The following DLG1 variants were observed in gnomAD, a reference collection of about 807,000 sequenced individuals.
The protein encoded by DLG1 is disks large homolog 1.
A neutral mutation model predicts 123.4 loss-of-function variants in DLG1; 42 were observed. That is an observed-to-expected ratio of 0.34 (90% CI 0.27 to 0.44). The LOEUF (loss-of-function observed/expected upper bound fraction) is 0.44, where lower values mean the gene tolerates loss of function less well. Ranked by LOEUF, DLG1 falls within the 20% of genes least tolerant of loss-of-function variation. The pLI is 1.00. For synonymous variants in DLG1, 317 were observed against 356.2 expected, an observed-to-expected ratio of 0.89 and a Z score of 1.24; for missense variants, 942 against 1,082.6, an observed-to-expected ratio of 0.87 and a Z score of 1.82.
intron 4 of DLG1, among the ~76,000 whole-genome samples, chr3:197,264,920 C>A (rs543072263): frequency 3.7e-4 from 57 of 152,272 alleles, no homozygotes; most frequent in Middle Eastern, 6.8e-3. Context: ...GTATTTATAA[C>A]CTTCATGATG....
At chr3:197,288,317 T>C (rs1375120707) in intron 3 of DLG1, among the ~76,000 whole-genome samples, 1 of 137,218 alleles carries the variant, frequency 7.3e-6, no homozygotes, top group African/African-American at 2.8e-5. Context: ...TGAGCCGAGA[T>C]TGCACCACTA....
rs114306927 is a variant in DLG1, at chr3:197,185,327, C to G, written c.483+9098G>C. On this transcript the variant is annotated intron_variant, in intron 5 of 24. Transcript: ENST00000667157. Reference sequence around the variant, plus strand: ...TGCAAATCTTGACTCCGCAAGAAAACATGCTAATGCTGTCTCTATGATGCG... The same window carrying G: ...TGCAAATCTTGACTCCGCAAGAAAAGATGCTAATGCTGTCTCTATGATGCG... Among the ~76,000 whole-genome samples the G allele has an allele frequency of 5.2e-3, 789 of 152,254 alleles. 6 individuals are homozygous for G. The highest frequency in any genetic ancestry group is 0.017 in the African/African-American group (702 of 41,536).
rs980265910 is a variant in DLG1 at position 197,209,437 on chromosome 3, T to C, written c.319-14848A>G. On this transcript the variant is annotated intron_variant, in intron 4 of 24. Coordinates refer to ENST00000667157, the MANE Select transcript of DLG1 (RefSeq NM_001366207.1). Reference sequence around the variant, plus strand: ...GGAGAAACAGACAATTCTACAATTTTAGTAAGAGATTTAAACTCCTTGATT... The same window carrying C: ...GGAGAAACAGACAATTCTACAATTTCAGTAAGAGATTTAAACTCCTTGATT... 1.4e-5 allele frequency among the ~76,000 whole-genome samples: 2 copies of C among 146,742 alleles called. 1 individual carries two copies. The highest frequency in any genetic ancestry group is 5.1e-4 in the South Asian group (2 of 3,922).
At chr3:197,140,430 A>G (rs918904581) in intron 7 of DLG1, among the ~76,000 whole-genome samples, 166 bp from the exon 8 acceptor site, 31 of 152,200 alleles carry the variant, frequency 2.0e-4, no homozygotes, top group African/African-American at 7.2e-4. Context: ...GTTCTGGAGG[A>G]AAGTCCTTTC....
intron 15 of DLG1, among the ~76,000 whole-genome samples, chr3:197,089,968 T>C (rs1756816593): frequency 6.6e-6 from 1 of 152,210 alleles, no homozygotes; most frequent in Non-Finnish European, 1.5e-5. Context: ...TTTGCTTTCA[T>C]GATGTATCAG....
intron 10 of DLG1, 31 bp downstream of exon 10, chr3:197,136,511 A>G (rs1384262687): frequency 6.3e-7 from 1 of 1,577,800 alleles, no homozygotes; most frequent in Admixed American, 1.8e-5. Context: ...CTACAAAATG[A>G]TTTAAAAGAC....
chr3:197,198,189 C>T (rs942875672), intron 4 of DLG1, among the ~76,000 whole-genome samples: 5 of 151,946 alleles, frequency 3.3e-5, no homozygotes, highest in East Asian at 1.9e-4. Context: ...ATCAAGAAAC[C>T]GAAAAGATGA....
intron 6 of DLG1, among the ~76,000 whole-genome samples, chr3:197,146,602 G>A (rs1271414245): frequency 6.6e-6 from 1 of 152,128 alleles, no homozygotes; most frequent in Non-Finnish European, 1.5e-5. Flanking sequence ...GCCACATGTA[G>A]AAAATGAAAC....
At chr3:197,087,049 T>C (rs965942867) in intron 15 of DLG1, among the ~76,000 whole-genome samples, 1 of 152,170 alleles carries the variant, frequency 6.6e-6, no homozygotes, top group Non-Finnish European at 1.5e-5. Flanking sequence ...AAGAGTGCAA[T>C]GAACATCTGT....
At chr3:197,196,102 G>C (rs1427914771) in intron 4 of DLG1, among the ~76,000 whole-genome samples, 1 of 138,584 alleles carries the variant, frequency 7.2e-6, no homozygotes, top group Non-Finnish European at 1.5e-5. Context: ...ATGAGAGACA[G>C]TATTAAGGAG....
intron 17 of DLG1, among the ~76,000 whole-genome samples, chr3:197,078,843 A>C (rs150512504): frequency 3.2e-4 from 48 of 152,314 alleles, no homozygotes; most frequent in African/African-American, 1.1e-3. Context: ...CATCCCTCTT[A>C]CTGCATCTAT....
chr3:197,076,585 C>G lies in DLG1; in HGVS notation c.2005+1G>C, dbSNP rs552539363. On this transcript the variant is annotated splice_donor_variant, in intron 18 of 24. Transcript: ENST00000667157. LOFTEE classifies it high-confidence loss of function. ...GTTGACCACTGGATCCACATACTTA[C>G]GGTCAGCATCACTTGTTTCCTGCTC... is the stretch of plus-strand genomic sequence containing the variant. 1.2e-6 allele frequency: 2 copies of G among 1,607,598 alleles called. No individual in the cohort carries two copies. Among genetic ancestry groups the G allele is most frequent in the Non-Finnish European group, 1.7e-6 (2 of 1,175,248 alleles).
At chr3:197,090,608 T>C (rs1189339371) in intron 15 of DLG1, among the ~76,000 whole-genome samples, 2 of 152,088 alleles carry the variant, frequency 1.3e-5, no homozygotes, top group Admixed American at 1.3e-4. Context: ...AGACATGATA[T>C]CATCAAGCTT....
chr3:197,293,276 A>G (rs773021183), intron 3 of DLG1, among the ~76,000 whole-genome samples: 2 of 152,236 alleles, frequency 1.3e-5, no homozygotes, highest in Non-Finnish European at 2.9e-5. Flanking sequence ...ATTTAGCTCT[A>G]AAGAAACAAT....
At chr3:197,191,499 C>T (rs1719536010) in intron 5 of DLG1, among the ~76,000 whole-genome samples, 1 of 152,140 alleles carries the variant, frequency 6.6e-6, no homozygotes, top group Admixed American at 6.5e-5. Flanking sequence ...AAATACCTAC[C>T]AAAAGACCAG....
At chr3:197,107,445 T>C (rs1000859255) in intron 13 of DLG1, among the ~76,000 whole-genome samples, 3 of 152,006 alleles carry the variant, frequency 2.0e-5, no homozygotes, top group Non-Finnish European at 4.4e-5. Flanking sequence ...CTTGGGAGGC[T>C]GAGGCAGGAG....
chr3:197,191,915 C>G (rs1165812887), intron 5 of DLG1, among the ~76,000 whole-genome samples: 1 of 152,170 alleles, frequency 6.6e-6, no homozygotes, highest in Non-Finnish European at 1.5e-5. Flanking sequence ...GTGGCTCACA[C>G]CTGTAATCTC....
intron 4 of DLG1, among the ~76,000 whole-genome samples, chr3:197,215,980 C>T (rs919977819): frequency 6.6e-6 from 1 of 152,078 alleles, no homozygotes; most frequent in African/African-American, 2.4e-5. Flanking sequence ...AAATGCCATG[C>T]AAATGACCAA....
At chr3:197,083,025 A>G (rs1223496561) in intron 16 of DLG1, among the ~76,000 whole-genome samples, 1 of 152,230 alleles carries the variant, frequency 6.6e-6, no homozygotes, top group Non-Finnish European at 1.5e-5. Context: ...TCAACAAGGC[A>G]TAGAGGAAGC....
Sources: gnomAD v4.1 joint callset for allele counts (sites outside exome capture counted in the v4.1 genomes callset) on GRCh38, gnomAD v4.1.1 for gene constraint, MANE v1.5 for transcripts, NCBI Gene and HGNC (gene_info 2026-07-23, HGNC 2026-07-21) for gene names.